Variants in TMEFF2 observed in about 807,000 individuals in gnomAD.
TMEFF2 encodes transmembrane protein with EGF like and two follistatin like domains 2, also known as tomoregulin-2.
TMEFF2 carries 28 observed loss-of-function variants against 53.8 expected under a neutral mutation model. The observed-to-expected ratio is 0.52, with a 90% CI of 0.39 to 0.71. The LOEUF is 0.71. TMEFF2 is among the 30% of genes least tolerant of loss of function. TMEFF2 has a pLI of 0.00. For missense variants in TMEFF2, 353 were observed against 455.2 expected (o/e 0.78, Z 2.04); for synonymous variants, 162 against 166.3 (o/e 0.97, Z 0.20).
chr2:191,980,936 C>A (rs1685838168), intron 7 of TMEFF2, among the ~76,000 whole-genome samples: 1 of 152,186 alleles, frequency 6.6e-6, no homozygotes, highest in South Asian at 2.1e-4. Flanking sequence ...TCTCCTAAAT[C>A]CAACTAAAAT....
At chr2:191,951,705 G>A (rs151193903) in intron 9 of TMEFF2, among the ~76,000 whole-genome samples, 181 of 152,208 alleles carry the variant, frequency 1.2e-3, no homozygotes, top group African/African-American at 4.3e-3. Context: ...TGAGTGAAAT[G>A]AATCCACACT....
At chr2:192,121,895 C>T (rs1689562678) in intron 4 of TMEFF2, among the ~76,000 whole-genome samples, 1 of 152,120 alleles carries the variant, frequency 6.6e-6, no homozygotes, top group Admixed American at 6.5e-5. Flanking sequence ...ATTCTTACAG[C>T]ATTTATCTTC....
chr2:191,956,505 T>TG, intron 7 of TMEFF2, 127 bp from the exon 8 acceptor site: 1 of 1,091,630 alleles, frequency 9.2e-7, no homozygotes, highest in Non-Finnish European at 1.3e-6. Flanking sequence ...AGGGCTATGC[T>TG]TCAGAAATAA....
At chr2:192,041,069 C>T (rs1687467019) in intron 5 of TMEFF2, among the ~76,000 whole-genome samples, 1 of 152,034 alleles carries the variant, frequency 6.6e-6, no homozygotes, top group Admixed American at 6.6e-5. Context: ...TGAGCAAAAC[C>T]TTCTTAGATA....
intron 7 of TMEFF2, among the ~76,000 whole-genome samples, chr2:191,986,786 A>C (rs867174022): frequency 2.6e-5 from 4 of 151,546 alleles, no homozygotes; most frequent in Middle Eastern, 3.4e-3. Flanking sequence ...AGAACCAGGG[A>C]AGCAGAGGTT....
chr2:192,186,520 A>G (rs1691316270), intron 2 of TMEFF2, among the ~76,000 whole-genome samples: 1 of 152,168 alleles, frequency 6.6e-6, no homozygotes, highest in Non-Finnish European at 1.5e-5. Context: ...TGAACACTAC[A>G]GTGGTGTCTG....
intron 4 of TMEFF2, among the ~76,000 whole-genome samples, chr2:192,141,773 A>G (rs1690145329): frequency 1.3e-5 from 2 of 152,176 alleles, no homozygotes; most frequent in Non-Finnish European, 2.9e-5. Context: ...GCAGAAGTGG[A>G]TAAGTTGGAC....
At chr2:192,024,661 T>C (rs1274638206) in intron 5 of TMEFF2, among the ~76,000 whole-genome samples, 1 of 152,212 alleles carries the variant, frequency 6.6e-6, no homozygotes, top group African/African-American at 2.4e-5. Context: ...TTTTCCCCAT[T>C]AAGGGATAAG....
At chr2:192,111,265 G>C (rs1689269776) in intron 4 of TMEFF2, among the ~76,000 whole-genome samples, 1 of 152,124 alleles carries the variant, frequency 6.6e-6, no homozygotes, top group Non-Finnish European at 1.5e-5. Flanking sequence ...CTAGAGACTT[G>C]TTGAATGGCT....
At chr2:192,106,618 G>A (rs1407737968) in intron 4 of TMEFF2, among the ~76,000 whole-genome samples, 3 of 151,636 alleles carry the variant, frequency 2.0e-5, no homozygotes, top group Non-Finnish European at 3.0e-5. Flanking sequence ...TATAATCTAT[G>A]CTTGAAAATG....
chr2:192,112,892 C>CAAGT (rs1689317545), intron 4 of TMEFF2, among the ~76,000 whole-genome samples: 1 of 152,076 alleles, frequency 6.6e-6, no homozygotes, highest in Non-Finnish European at 1.5e-5. Flanking sequence ...TGTCTGCTGC[C>CAAGT]AAGTAAGACA....
chr2:192,194,424 C>A lies in TMEFF2; in HGVS notation c.101G>T (p.Arg34Leu), dbSNP rs376482759. 2.2e-5 allele frequency: 35 copies of A among 1,613,958 alleles called. No homozygotes were observed. Among genetic ancestry groups the A allele is most frequent in the Admixed American group, 3.3e-5 (2 of 60,000 alleles). The change falls in exon 1 of 10, where the codon CGC becomes CTC. Residue 34 changes from arginine to leucine, a missense_variant. Physicochemically the swap from Arg to Leu is moderately radical, Grantham distance 102 (BLOSUM62 -2). Transcript: ENST00000272771. This position sits in a 1 kb window ranked among gnomAD's most constrained non-coding sequence, Gnocchi z 4.2. ...LLPVMLLIVARPVKLAAFPTS... is the reference protein window; with the variant it reads ...LLPVMLLIVALPVKLAAFPTS... ...AGGGAAAGCAGCGAGCTTCACCGGG[C>A]GGGCTACGATGAGTAGCATGACGGG... is the stretch of plus-strand genomic sequence containing the variant.
At chr2:192,154,006 G>A (rs1379049694) in intron 4 of TMEFF2, among the ~76,000 whole-genome samples, 2 of 151,880 alleles carry the variant, frequency 1.3e-5, no homozygotes, top group Non-Finnish European at 2.9e-5. Context: ...AAATTTGAAG[G>A]CAGAGGAAGT....
At chr2:192,192,116 A>G (rs1343220526) in intron 1 of TMEFF2, 127 bp from the exon 2 acceptor site, 1 of 622,286 alleles carries the variant, frequency 1.6e-6, no homozygotes, top group Non-Finnish European at 2.8e-6. Flanking sequence ...GCTGTACTGC[A>G]AGGTCACTGT....
intron 4 of TMEFF2, among the ~76,000 whole-genome samples, chr2:192,130,622 G>A (rs1325040018): frequency 6.1e-5 from 9 of 148,110 alleles, no homozygotes; most frequent in East Asian, 2.0e-4. Flanking sequence ...TGTGACCCCC[G>A]CCCCTGCCCA....
At chr2:192,040,453 A>T (rs1045165125) in intron 5 of TMEFF2, among the ~76,000 whole-genome samples, 2 of 152,076 alleles carry the variant, frequency 1.3e-5, no homozygotes, top group African/African-American at 4.8e-5. Flanking sequence ...TAAAGAGGTG[A>T]CTAGCTAATA....
Position 192,194,598 on chromosome 2 carries a change from T to C in TMEFF2, c.-74A>G. 6.5e-7 allele frequency: 1 copy of C among 1,538,758 alleles called. No individual in the cohort carries two copies. Among genetic ancestry groups the C allele is most frequent in the Non-Finnish European group, 8.8e-7 (1 of 1,132,494 alleles). On this transcript the variant is annotated 5_prime_UTR_variant, in exon 1 of 10. The change abolishes the stop of an existing upstream ORF in the 5' untranslated region. Coordinates refer to ENST00000272771, the MANE Select transcript of TMEFF2 (RefSeq NM_016192.4). The surrounding 1 kb of genome is among the most constrained non-coding windows in gnomAD (Gnocchi z 4.2). ...GGATCGCGGGGGCCGGGCAGCGGGC[T>C]ACTGAGCATCCCGCGGACGGCGGCA...
chr2:191,953,993 T>C (rs1691981229), intron 8 of TMEFF2, among the ~76,000 whole-genome samples, 156 bp from the exon 9 acceptor site: 1 of 148,902 alleles, frequency 6.7e-6, no homozygotes. Flanking sequence ...GTTCACGCCA[T>C]TCTCCTGCCT....
In TMEFF2 at chr2:191,955,102, G is replaced by C. The variant is rs958371450; in HGVS notation, c.869+1153C>G. On this transcript the variant is annotated intron_variant, in intron 8 of 9. Coordinates refer to ENST00000272771, the MANE Select transcript of TMEFF2 (RefSeq NM_016192.4). ...GCCTGTGCTAGTATATTTTGTGGAG[G>C]GAAAACATGAAAGGAAGACAGCTCT... Among the ~76,000 whole-genome samples, 19 of 133,746 alleles carry C rather than the reference G, an allele frequency of 1.4e-4. 1 individual carries two copies. Among genetic ancestry groups the C allele is most frequent in the Non-Finnish European group, 1.9e-4 (12 of 63,980 alleles). 87.7% of individuals were successfully genotyped at this position (133,746 alleles called of 152,430 possible).
Sources: gnomAD v4.1 joint callset for allele counts (sites outside exome capture counted in the v4.1 genomes callset) on GRCh38, gnomAD v4.1.1 for gene constraint, Gnocchi (gnomAD v3.1) non-coding constraint, MANE v1.5 for transcripts, NCBI Gene and HGNC (gene_info 2026-07-23, HGNC 2026-07-21) for gene names.